Variants in CHST6 observed in about 807,000 individuals in gnomAD.
The protein encoded by CHST6 is N-acetylglucosamine 6-O-sulfotransferase 5.
For missense variants in CHST6, 698 were observed against 586.2 expected (o/e 1.19, Z -1.97); for synonymous variants, 309 against 276.4 (o/e 1.12, Z -1.17).
chr16:75,477,539 A>G lies in CHST6; in HGVS notation c.*1102T>C, dbSNP rs942423287. 3 of 152,250 alleles carry G rather than the reference A, an allele frequency of 2.0e-5. No individual in the cohort carries two copies. The highest frequency in any genetic ancestry group is 2.0e-4 in the Admixed American group (3 of 15,270). 9.4% of individuals were successfully genotyped at this position (152,250 alleles called of 1,614,324 possible). ...TGGGTTCATTTATGTGGCTAACTCAACTTCCCTGTCCTTTCCAGAGGTTCC... is the reference window on the plus strand; with the variant it reads ...TGGGTTCATTTATGTGGCTAACTCAGCTTCCCTGTCCTTTCCAGAGGTTCC... On this transcript the variant is annotated 3_prime_UTR_variant, in exon 3 of 3. Transcript: ENST00000332272.
rs557394641 is a variant in CHST6 at position 75,491,633 on chromosome 16, G to C, written c.-92+3307C>G. Among the ~76,000 whole-genome samples the C allele has an allele frequency of 2.2e-4, 34 of 152,254 alleles. No individual in the cohort carries two copies. In the South Asian group the frequency reaches 5.6e-3, roughly 25 times the overall value. ...GATCCGCCTGCCTCAGTCTCCCAAAGTGCTGGGATTACAGGCGTGAGCCAC... is the reference window on the plus strand; with the variant it reads ...GATCCGCCTGCCTCAGTCTCCCAAACTGCTGGGATTACAGGCGTGAGCCAC... On this transcript the variant is annotated intron_variant, in intron 1 of 2. Coordinates refer to ENST00000332272, the MANE Select transcript of CHST6 (RefSeq NM_021615.5).
Position 75,479,456 on chromosome 16 carries a change from C to T in CHST6, c.373G>A (p.Val125Met), listed in dbSNP as rs144643560. The T allele has an allele frequency of 5.0e-6, 8 of 1,612,884 alleles. No homozygotes were observed. The highest frequency in any genetic ancestry group is 5.9e-6 in the Non-Finnish European group (7 of 1,179,860). The change falls in exon 3 of 3, where the codon GTG becomes ATG. Residue 125 changes from valine to methionine, a missense_variant. By Grantham distance (21) the Val-to-Met change is conservative. Coordinates refer to ENST00000332272, the MANE Select transcript of CHST6 (RefSeq NM_021615.5). Reference protein sequence around the residue: ...RNLSDLFQWAVSRALCSPPAC... With the variant: ...RNLSDLFQWAMSRALCSPPAC... ...GGTGGCGAGCACAGTGCACGGCTCACGGCCCACTGGAAGAGGTCGGACAGG... is the reference window on the plus strand; with the variant it reads ...GGTGGCGAGCACAGTGCACGGCTCATGGCCCACTGGAAGAGGTCGGACAGG...
rs2080110609 is a variant in CHST6, at chr16:75,479,434, G to T, written c.395C>A (p.Pro132Gln). The stretch of plus-strand genomic sequence containing the variant: ...TCGGGGAAAGGCACTGCAGGCGGGT[G>T]GCGAGCACAGTGCACGGCTCACGGC... ...QWAVSRALCS[P>Q]PACSAFPRGA... The change falls in exon 3 of 3, where the codon CCA becomes CAA. Residue 132 changes from proline (P) to glutamine (Q), a missense_variant. Coordinates refer to ENST00000332272, the MANE Select transcript of CHST6 (RefSeq NM_021615.5). The T allele has an allele frequency of 6.2e-7, 1 of 1,612,778 alleles. No homozygotes were observed. The highest frequency in any genetic ancestry group is 1.7e-5 in the Admixed American group (1 of 59,992).
At chr16:75,482,871 G>C (rs930556839) in intron 1 of CHST6, among the ~76,000 whole-genome samples, 6 of 152,280 alleles carry the variant, frequency 3.9e-5, no homozygotes, top group African/African-American at 1.4e-4. Context: ...TCTGTCACCA[G>C]CCGACTCCAG....
Position 75,472,602 on chromosome 16 carries a change from G to A in CHST6, c.*6039C>T, listed in dbSNP as rs1276401436. On this transcript the variant is annotated 3_prime_UTR_variant, in exon 3 of 3. Coordinates refer to ENST00000332272, the MANE Select transcript of CHST6 (RefSeq NM_021615.5). Reference sequence around the variant, plus strand: ...AAACCATTGATTTAACCCTGTAGAGGTGATGGGGCAGTTGTGGCAGTGGTG... The same window carrying A: ...AAACCATTGATTTAACCCTGTAGAGATGATGGGGCAGTTGTGGCAGTGGTG... 6.6e-6 allele frequency: 1 copy of A among 152,344 alleles called. No individual in the cohort carries two copies. Among genetic ancestry groups the A allele is most frequent in the South Asian group, 2.1e-4 (1 of 4,828 alleles). The allele number at this position is 152,344 out of a possible 1,614,324, so 9.4% of individuals were successfully genotyped here. A position where few individuals can be genotyped will look rare whatever the true frequency, so the allele number is the denominator to read the frequency against.
chr16:75,485,904 C>T (rs1331580822), intron 1 of CHST6, among the ~76,000 whole-genome samples: 2 of 152,168 alleles, frequency 1.3e-5, no homozygotes, highest in Non-Finnish European at 2.9e-5. Context: ...TCCTGGATTC[C>T]AGCAAAGTCC....
intron 1 of CHST6, among the ~76,000 whole-genome samples, chr16:75,488,320 C>G (rs1421091563): frequency 6.6e-6 from 1 of 151,738 alleles, no homozygotes; most frequent in Non-Finnish European, 1.5e-5. Flanking sequence ...AAAAATTAGC[C>G]ACCATGGTGG....
Position 75,479,802 on chromosome 16 carries a change from T to C in CHST6, c.27A>G (p.Thr9=). 1 of 1,574,208 alleles carries C rather than the reference T, an allele frequency of 6.4e-7. No homozygotes were observed. The highest frequency in any genetic ancestry group is 2.3e-5 in the East Asian group (1 of 43,292). The change falls in exon 3 of 3, where the codon ACA becomes ACG. Residue 9 remains threonine, a synonymous_variant. Transcript: ENST00000332272. ...GCGCCAGGAGGAGCGCGGTCACTGCTGTGCTGGAGACGCGCGGCAGCCACA... is the reference window on the plus strand; with the variant it reads ...GCGCCAGGAGGAGCGCGGTCACTGCCGTGCTGGAGACGCGCGGCAGCCACA... MWLPRVSS[T]AVTALLLAQT...
Position 75,478,510 on chromosome 16 carries a change from T to G in CHST6, c.*131A>C. Reference sequence around the variant, plus strand: ...AAAGAAACGTGCAGTCCTTGCCTACTTGGGGAGGGGGAGGGGTCGTACCAC... The same window carrying G: ...AAAGAAACGTGCAGTCCTTGCCTACGTGGGGAGGGGGAGGGGTCGTACCAC... On this transcript the variant is annotated 3_prime_UTR_variant, in exon 3 of 3. Transcript: ENST00000332272. 1 of 884,608 alleles carries G rather than the reference T, an allele frequency of 1.1e-6. No homozygotes were observed. Among genetic ancestry groups the G allele is most frequent in the South Asian group, 1.4e-5 (1 of 71,148 alleles). 54.8% of individuals were successfully genotyped at this position (884,608 alleles called of 1,614,324 possible).
Position 75,483,960 on chromosome 16 carries a change from G to T in CHST6, c.-91-2069C>A, listed in dbSNP as rs189482480. On this transcript the variant is annotated intron_variant, in intron 1 of 2. Transcript: ENST00000332272. ...GATTGCTTGAGCCTAGGAGGCACAG[G>T]TTGCAGTGAGCAGAGACTGTGTGAC... is the stretch of plus-strand genomic sequence containing the variant. Among the ~76,000 whole-genome samples, 833 of 152,208 alleles carry T rather than the reference G, an allele frequency of 5.5e-3. 9 individuals carry two copies. Among genetic ancestry groups the T allele is most frequent in the African/African-American group, 0.018 (750 of 41,524 alleles).
At position 75,486,109 on chromosome 16, in the gene CHST6, CTA is replaced by C. The variant is rs138492718; in HGVS notation, c.-91-4220_-91-4219del. On this transcript the variant is annotated intron_variant, in intron 1 of 2. Transcript: ENST00000332272. ...ATCTCTCCCAACTCCCTCACCCATG[CTA>C]TGAGTGCGCAGCCCTGACTCCCACT... Among the ~76,000 whole-genome samples, 596 of 152,364 alleles carry C rather than the reference CTA, an allele frequency of 3.9e-3. 3 individuals are homozygous for C. The highest frequency in any genetic ancestry group is 0.013 in the African/African-American group (522 of 41,590).
At position 75,472,480 on chromosome 16, in the gene CHST6, C is replaced by T. The variant is rs1450000322; in HGVS notation, c.*6161G>A. On this transcript the variant is annotated 3_prime_UTR_variant, in exon 3 of 3. Coordinates refer to ENST00000332272, the MANE Select transcript of CHST6 (RefSeq NM_021615.5). ...CAATGAAAAAGGAATACAGTTGAGT[C>T]ATAAGCATGAAAAGATGTTCAGCTG... The T allele has an allele frequency of 6.6e-6, 1 of 152,196 alleles. No individual in the cohort carries two copies. Among genetic ancestry groups the T allele is most frequent in the African/African-American group, 2.4e-5 (1 of 41,444 alleles). 9.4% of individuals were successfully genotyped at this position (152,196 alleles called of 1,614,324 possible).
intron 1 of CHST6, among the ~76,000 whole-genome samples, chr16:75,493,408 T>A (rs1406509176): frequency 6.6e-6 from 1 of 151,676 alleles, no homozygotes; most frequent in Admixed American, 6.6e-5. Flanking sequence ...ACTCAGGAAT[T>A]TGAGGCAGGA....
At chr16:75,485,515 C>G (rs376039584) in intron 1 of CHST6, among the ~76,000 whole-genome samples, 1 of 152,178 alleles carries the variant, frequency 6.6e-6, no homozygotes, top group East Asian at 1.9e-4. Flanking sequence ...CAGCTCACAG[C>G]TGAAGCTCAC....
At chr16:75,486,705 G>A (rs1346336208) in intron 1 of CHST6, among the ~76,000 whole-genome samples, 1 of 152,206 alleles carries the variant, frequency 6.6e-6, no homozygotes, top group African/African-American at 2.4e-5. Flanking sequence ...ATCCAGTTGT[G>A]CAAGGCTTAC....
intron 1 of CHST6, among the ~76,000 whole-genome samples, chr16:75,487,947 G>A (rs2080219009): frequency 6.6e-6 from 1 of 151,954 alleles, no homozygotes; most frequent in Admixed American, 6.6e-5. Context: ...AGTGAGCTCA[G>A]ATCATGCCAC....
rs769250943 is a variant in CHST6 at position 75,479,768 on chromosome 16, G to C, written c.61C>G (p.Leu21Val). The C allele has an allele frequency of 6.3e-7, 1 of 1,598,536 alleles. No individual in the cohort carries two copies. The highest frequency in any genetic ancestry group is 1.8e-5 in the Admixed American group (1 of 56,942). ...GGCCGGGAAACCAGAAAGAGGAGGA[G>C]GAAGGTCTGCGCCAGGAGGAGCGCG... is the stretch of plus-strand genomic sequence containing the variant. Reference protein sequence around the residue: ...VTALLLAQTFLLLFLVSRPGP... With the variant: ...VTALLLAQTFVLLFLVSRPGP... The change falls in exon 3 of 3, where the codon CTC becomes GTC. Residue 21 changes from leucine (L) to valine (V), a missense_variant. Leu to Val is a conservative substitution (Grantham distance 32). Coordinates refer to ENST00000332272, the MANE Select transcript of CHST6 (RefSeq NM_021615.5).
At chr16:75,493,576 G>C (rs558539740) in intron 1 of CHST6, among the ~76,000 whole-genome samples, 2 of 151,940 alleles carry the variant, frequency 1.3e-5, no homozygotes, top group South Asian at 4.2e-4. Context: ...TCATGGGCTT[G>C]ATTGAAAGAG....
chr16:75,478,635 C>T lies in CHST6; in HGVS notation c.*6G>A, dbSNP rs2080092436. 3 of 1,613,414 alleles carry T rather than the reference C, an allele frequency of 1.9e-6. No individual in the cohort carries two copies. Among genetic ancestry groups the T allele is most frequent in the Non-Finnish European group, 2.5e-6 (3 of 1,179,912 alleles). Reference sequence around the variant, plus strand: ...GGCCTAGCGCCTGCTACAACTGTGGCCTCCACTAATTTCGGGGGTGCGAGG... The same window carrying T: ...GGCCTAGCGCCTGCTACAACTGTGGTCTCCACTAATTTCGGGGGTGCGAGG... On this transcript the variant is annotated 3_prime_UTR_variant, in exon 3 of 3. Coordinates refer to ENST00000332272, the MANE Select transcript of CHST6 (RefSeq NM_021615.5).
Sources: allele counts gnomAD v4.1 joint callset (sites outside exome capture counted in the v4.1 genomes callset), GRCh38; gene constraint gnomAD v4.1.1; transcripts MANE v1.5; gene names NCBI Gene and HGNC (gene_info 2026-07-23, HGNC 2026-07-21).